FAR2: variants seen among roughly 807,000 people sequenced by gnomAD.
FAR2 encodes the protein fatty acyl-CoA reductase 2, also known as epididymis secretory protein Li 81.
Under a neutral mutation model 56.0 loss-of-function variants are expected in FAR2, and 19 were observed. That is an observed-to-expected ratio of 0.34 (90% confidence interval 0.24 to 0.50). The LOEUF is 0.50. Among genes scored for constraint, FAR2 ranks in the 20% least tolerant of loss-of-function variants. FAR2 has a pLI of 0.98. For missense variants in FAR2, 508 were observed against 642.2 expected, an observed-to-expected ratio of 0.79 and a Z score of 2.26; for synonymous variants, 219 against 218.8, an observed-to-expected ratio of 1.00 and a Z score of -0.01.
intron 1 of FAR2, among the ~76,000 whole-genome samples, chr12:29,201,335 CG>C (rs934996749): frequency 9.9e-5 from 15 of 152,034 alleles, no homozygotes; most frequent in African/African-American, 3.4e-4. Flanking sequence ...CCTTTACATA[CG>C]TGTGAGCATA....
chr12:29,192,753 C>G (rs1950112916), intron 1 of FAR2, among the ~76,000 whole-genome samples: 1 of 152,156 alleles, frequency 6.6e-6, no homozygotes, highest in African/African-American at 2.4e-5. Context: ...CCAACATCAA[C>G]TAATTTGTCT....
At chr12:29,296,880 A>G in intron 3 of FAR2, 141 bp from the exon 4 acceptor site, 1 of 698,200 alleles carries the variant, frequency 1.4e-6, no homozygotes, top group Non-Finnish European at 2.4e-6. Context: ...CTGTGTAGCC[A>G]TGACCCATCC....
chr12:29,308,730 A>ATG (rs1240940049), intron 5 of FAR2, among the ~76,000 whole-genome samples: 2 of 149,970 alleles, frequency 1.3e-5, no homozygotes, highest in Non-Finnish European at 3.0e-5. Flanking sequence ...ATATATATAT[A>ATG]TATGTATATA....
chr12:29,227,522 T>C (rs1947788383), intron 1 of FAR2, among the ~76,000 whole-genome samples: 1 of 152,146 alleles, frequency 6.6e-6, no homozygotes, highest in African/African-American at 2.4e-5. Context: ...CATAATTGCT[T>C]CTCCATCGAC....
chr12:29,324,702 G>C (rs1297767419), intron 10 of FAR2, among the ~76,000 whole-genome samples: 15 of 152,128 alleles, frequency 9.9e-5, no homozygotes, highest in Admixed American at 2.6e-4. Context: ...CAAATGCTGA[G>C]AGATTTTGTC....
chr12:29,170,389 GTCAGTGGCC>G (rs1216000128), intron 1 of FAR2, among the ~76,000 whole-genome samples: 2 of 152,230 alleles, frequency 1.3e-5, no homozygotes, highest in African/African-American at 4.8e-5. Flanking sequence ...GCTATGGGTT[GTCAGTGGCC>G]TCAGTGCTTT....
chr12:29,216,751 A>G (rs1027478559), intron 1 of FAR2, among the ~76,000 whole-genome samples: 2 of 152,216 alleles, frequency 1.3e-5, no homozygotes, highest in African/African-American at 4.8e-5. Flanking sequence ...CAGGCATTTC[A>G]ATATTTTAGA....
chr12:29,254,065 C>T (rs1430460139), intron 1 of FAR2, among the ~76,000 whole-genome samples: 1 of 152,124 alleles, frequency 6.6e-6, no homozygotes. Context: ...ACTATCTCTC[C>T]CCAGCTGGGA....
chr12:29,327,766 A>G (rs1389811834), intron 10 of FAR2, among the ~76,000 whole-genome samples: 3 of 152,370 alleles, frequency 2.0e-5, no homozygotes, highest in African/African-American at 7.2e-5. Flanking sequence ...AGATGGATTA[A>G]AGACTTACAC....
chr12:29,279,663 T>C (rs1195083776), intron 2 of FAR2, among the ~76,000 whole-genome samples: 1 of 152,168 alleles, frequency 6.6e-6, no homozygotes, highest in Admixed American at 6.5e-5. Context: ...AAACCCTCAA[T>C]TGCAGGTTAC....
chr12:29,207,229 A>G (rs972940415), intron 1 of FAR2, among the ~76,000 whole-genome samples: 6 of 152,174 alleles, frequency 3.9e-5, no homozygotes, highest in African/African-American at 9.7e-5. Context: ...TTTCCTCCGT[A>G]TCATGTATTT....
intron 3 of FAR2, among the ~76,000 whole-genome samples, chr12:29,296,465 T>C (rs1345038510): frequency 6.6e-6 from 1 of 152,254 alleles, no homozygotes; most frequent in Non-Finnish European, 1.5e-5. Context: ...TTTCCTGGTA[T>C]TTGATAAACC....
chr12:29,290,216 C>T (rs539440430), intron 2 of FAR2, among the ~76,000 whole-genome samples: 32 of 152,154 alleles, frequency 2.1e-4, no homozygotes, highest in Non-Finnish European at 2.9e-4. Flanking sequence ...GAGGCTGAGA[C>T]GGGTGGATCA....
At chr12:29,183,992 G>C (rs1425813004) in intron 1 of FAR2, among the ~76,000 whole-genome samples, 1 of 152,152 alleles carries the variant, frequency 6.6e-6, no homozygotes, top group Non-Finnish European at 1.5e-5. Context: ...TTTGGAACTT[G>C]ATAAGGGTTA....
At chr12:29,290,458 AAAG>A (rs1476381231) in intron 2 of FAR2, among the ~76,000 whole-genome samples, 1 of 152,080 alleles carries the variant, frequency 6.6e-6, no homozygotes, top group African/African-American at 2.4e-5. Flanking sequence ...AAAAAAAAAA[AAAG>A]AAAGAAATAC....
At chr12:29,248,775 G>T (rs1453382761) in intron 1 of FAR2, among the ~76,000 whole-genome samples, 1 of 152,152 alleles carries the variant, frequency 6.6e-6, no homozygotes, top group Non-Finnish European at 1.5e-5. Context: ...CGCCCAGCGG[G>T]GCCAGTTTAG....
At chr12:29,326,512 T>C (rs1949649687) in intron 10 of FAR2, among the ~76,000 whole-genome samples, 1 of 152,188 alleles carries the variant, frequency 6.6e-6, no homozygotes, top group African/African-American at 2.4e-5. Context: ...AATAAAATAC[T>C]GGCAAACCAA....
intron 1 of FAR2, among the ~76,000 whole-genome samples, chr12:29,261,783 G>GA (rs1038216501): frequency 7.2e-5 from 11 of 152,032 alleles, no homozygotes; most frequent in Non-Finnish European, 1.2e-4. Flanking sequence ...AAGTGCTGAA[G>GA]AAAAAAATCT....
chr12:29,288,930 C>A (rs1591932007), intron 2 of FAR2, among the ~76,000 whole-genome samples: 1 of 152,018 alleles, frequency 6.6e-6, no homozygotes, highest in African/African-American at 2.4e-5. Flanking sequence ...TTTTAAAAAG[C>A]CTTTAAAATA....
Sources: allele counts gnomAD v4.1 joint callset (sites outside exome capture counted in the v4.1 genomes callset), GRCh38; gene constraint gnomAD v4.1.1; transcripts MANE v1.5; gene names NCBI Gene and HGNC (gene_info 2026-07-23, HGNC 2026-07-21).